The following NREP variants were observed in gnomAD, a reference collection of about 807,000 sequenced individuals.
NREP encodes the protein neuronal regeneration related protein, also known as neuronal regeneration-related protein.
A neutral mutation model predicts 8.6 loss-of-function variants in NREP; 5 were observed. That is an observed-to-expected ratio of 0.58 (90% CI 0.30 to 1.22). The LOEUF is 1.22. Ranked by LOEUF, NREP falls within the 50% of genes most tolerant of loss-of-function variation. The pLI, the probability that NREP is intolerant of heterozygous loss-of-function variation, is 0.07. For synonymous variants in NREP, 27 were observed against 28.0 expected (o/e 0.96, Z 0.11); for missense variants, 86 against 82.5 (o/e 1.04, Z -0.17).
At chr5:111,932,721 A>G (rs1755575700) in intron 2 of NREP, among the ~76,000 whole-genome samples, 2 of 152,130 alleles carry the variant, frequency 1.3e-5, no homozygotes, top group South Asian at 4.1e-4. Context: ...CTGGTATATA[A>G]GACCCTGAAT....
chr5:111,848,263 C>A (rs1753228146), intron 2 of NREP, among the ~76,000 whole-genome samples: 1 of 152,110 alleles, frequency 6.6e-6, no homozygotes, highest in Non-Finnish European at 1.5e-5. Flanking sequence ...TTTTTAGACA[C>A]AGTTGGCAGG....
intron 2 of NREP, among the ~76,000 whole-genome samples, chr5:111,854,579 C>T (rs566026644): frequency 1.3e-5 from 2 of 152,162 alleles, no homozygotes; most frequent in Non-Finnish European, 2.9e-5. Flanking sequence ...CCAGCCCCAC[C>T]ATCCTGTGAT....
At chr5:111,907,847 A>G (rs369701403) in intron 2 of NREP, among the ~76,000 whole-genome samples, 1 of 152,016 alleles carries the variant, frequency 6.6e-6, no homozygotes, top group Non-Finnish European at 1.5e-5. Context: ...AAGGGCTTCC[A>G]TGGAATTCTT....
intron 2 of NREP, among the ~76,000 whole-genome samples, chr5:111,922,223 A>AT (rs980705220): frequency 9.2e-5 from 14 of 151,922 alleles, no homozygotes; most frequent in African/African-American, 2.7e-4. Flanking sequence ...TGATAATGTC[A>AT]TTTTTTTCTA....
chr5:111,819,783 G>A (rs924244746), intron 2 of NREP, among the ~76,000 whole-genome samples: 3 of 152,152 alleles, frequency 2.0e-5, no homozygotes, highest in Admixed American at 1.3e-4. Flanking sequence ...CCTGAATGAA[G>A]CTTATTTAAC....
intron 2 of NREP, among the ~76,000 whole-genome samples, chr5:111,765,063 T>G (rs1751048463): frequency 6.6e-6 from 1 of 152,170 alleles, no homozygotes; most frequent in Non-Finnish European, 1.5e-5. Context: ...ATCAGCATTC[T>G]CCAACCTTTT....
chr5:111,918,690 T>C (rs1407343799), intron 2 of NREP, among the ~76,000 whole-genome samples: 3 of 152,036 alleles, frequency 2.0e-5, no homozygotes, highest in Non-Finnish European at 4.4e-5. Context: ...CCCTTCCTTA[T>C]ACCTTATACA....
Position 111,926,734 on chromosome 5 carries a change from T to C in NREP, c.135+48540A>G, listed in dbSNP as rs533376891. On this transcript the variant is annotated intron_variant, in intron 2 of 3. Coordinates refer to the NREP transcript ENST00000395634. Reference sequence around the variant, plus strand: ...GAGAGGGGGAAGAAAAGACGTCCCTTAGTCTTCTCCCTCCTTTTGGAGTAA... The same window carrying C: ...GAGAGGGGGAAGAAAAGACGTCCCTCAGTCTTCTCCCTCCTTTTGGAGTAA... Among the ~76,000 whole-genome samples, 3 of 152,086 alleles carry C rather than the reference T, an allele frequency of 2.0e-5. No individual in the cohort carries two copies. The East Asian group carries it at 5.9e-4, about 30-fold the overall frequency.
chr5:111,872,386 C>T (rs1487726408), intron 2 of NREP, among the ~76,000 whole-genome samples: 1 of 152,172 alleles, frequency 6.6e-6, no homozygotes, highest in Non-Finnish European at 1.5e-5. Flanking sequence ...ACTCAGTCCA[C>T]TAATTTAAAT....
intron 2 of NREP, among the ~76,000 whole-genome samples, chr5:111,941,058 G>A (rs1042654194): frequency 6.6e-6 from 1 of 151,998 alleles, no homozygotes; most frequent in Non-Finnish European, 1.5e-5. Context: ...CTTTAAGGTT[G>A]TTGCTGGGAG....
At chr5:111,958,757 C>T (rs545401279) in intron 2 of NREP, among the ~76,000 whole-genome samples, 1 of 151,918 alleles carries the variant, frequency 6.6e-6, no homozygotes, top group South Asian at 2.1e-4. Context: ...ATCAAAAATT[C>T]CTATAAGAAT....
At chr5:111,760,124 AT>A (rs1272615176), upstream of NREP, among the ~76,000 whole-genome samples, 1 of 152,174 alleles carries the variant, frequency 6.6e-6, no homozygotes, top group South Asian at 2.1e-4. Context: ...GGACAAGATA[AT>A]TTTTTGACGG....
At chr5:111,961,714 AC>A (rs1756485066) in intron 2 of NREP, among the ~76,000 whole-genome samples, 1 of 152,186 alleles carries the variant, frequency 6.6e-6, no homozygotes, top group Non-Finnish European at 1.5e-5. Flanking sequence ...CTTCAGGAAG[AC>A]TTGAATATTA....
At chr5:111,870,852 T>G (rs1228278489) in intron 2 of NREP, among the ~76,000 whole-genome samples, 1 of 89,270 alleles carries the variant, frequency 1.1e-5, no homozygotes, top group Non-Finnish European at 2.8e-5. Context: ...ATGCAAGAAT[T>G]TTACCCAGAG....
At chr5:111,890,535 T>C (rs574171070) in intron 2 of NREP, among the ~76,000 whole-genome samples, 2 of 152,198 alleles carry the variant, frequency 1.3e-5, no homozygotes, top group Non-Finnish European at 2.9e-5. Flanking sequence ...ATAGAGGTTC[T>C]TGTGACAGCC....
chr5:111,781,312 C>T (rs182937133), intron 2 of NREP, among the ~76,000 whole-genome samples: 10 of 152,144 alleles, frequency 6.6e-5, no homozygotes, highest in African/African-American at 2.2e-4. Flanking sequence ...TCTCACGATG[C>T]CTGCTCTTCG....
intron 2 of NREP, among the ~76,000 whole-genome samples, chr5:111,866,096 G>T (rs1463539643): frequency 1.3e-5 from 2 of 152,156 alleles, no homozygotes; most frequent in Non-Finnish European, 2.9e-5. Context: ...CATGGGCAAG[G>T]ACTTCATGTC....
At chr5:111,814,741 G>A (rs904318461) in intron 2 of NREP, among the ~76,000 whole-genome samples, 3 of 152,056 alleles carry the variant, frequency 2.0e-5, no homozygotes, top group East Asian at 1.9e-4. Flanking sequence ...ACTTGGGAAG[G>A]CTAAAAGAAT....
chr5:111,794,327 C>A (rs1751826427), intron 2 of NREP, among the ~76,000 whole-genome samples: 1 of 152,098 alleles, frequency 6.6e-6, no homozygotes, highest in South Asian at 2.1e-4. Context: ...GGTATTTACC[C>A]AAAGGAGTTA....
Sources: allele counts gnomAD v4.1 joint callset (sites outside exome capture counted in the v4.1 genomes callset), GRCh38; gene constraint gnomAD v4.1.1; transcripts MANE v1.5; gene names NCBI Gene and HGNC (gene_info 2026-07-23, HGNC 2026-07-21).